PRELID2: variants seen among roughly 807,000 people sequenced by gnomAD.
PRELID2 encodes the protein PRELI domain-containing protein 2.
Under a neutral mutation model 28.4 loss-of-function variants are expected in PRELID2, and 25 were observed. That is an observed-to-expected ratio of 0.88 (90% CI 0.64 to 1.23). PRELID2 has a LOEUF of 1.23. PRELID2 is among the 50% of genes most tolerant of loss of function. The pLI is 0.00. For missense variants in PRELID2, 201 were observed against 214.4 expected (o/e 0.94, Z 0.39); for synonymous variants, 76 against 71.6 (o/e 1.06, Z -0.31).
intron 5 of PRELID2, among the ~76,000 whole-genome samples, chr5:145,781,470 A>C (rs1445195301): frequency 6.6e-6 from 1 of 151,922 alleles, no homozygotes; most frequent in Non-Finnish European, 1.5e-5. Flanking sequence ...CAATCCTGTA[A>C]GTAATGATGC....
At chr5:145,826,838 G>A (rs545950007) in intron 1 of PRELID2, among the ~76,000 whole-genome samples, 1 of 150,904 alleles carries the variant, frequency 6.6e-6, no homozygotes, top group Admixed American at 6.6e-5. Context: ...ATAACATTTT[G>A]CATTCATATT....
At chr5:145,766,992 G>C (rs1345478807) in intron 5 of PRELID2, among the ~76,000 whole-genome samples, 1 of 152,142 alleles carries the variant, frequency 6.6e-6, no homozygotes, top group Non-Finnish European at 1.5e-5. Flanking sequence ...ACAGGTGGCA[G>C]GAAAATACTG....
the PRELID2 span, chr5:145,381,776 A>T: frequency 6.6e-6 from 1 of 152,228 alleles, no homozygotes; most frequent in Non-Finnish European, 1.5e-5. Flanking sequence ...CAAGTTCAAG[A>T]TAATCAACCT....
chr5:145,393,222 A>T, the PRELID2 span, among the ~76,000 whole-genome samples: 1 of 152,198 alleles, frequency 6.6e-6, no homozygotes, highest in Non-Finnish European at 1.5e-5. Context: ...CACATAGCTG[A>T]GTAAAGGCCA....
the PRELID2 span, among the ~76,000 whole-genome samples, chr5:145,372,951 TATTA>T: frequency 3.6e-5 from 2 of 56,276 alleles, no homozygotes; most frequent in Non-Finnish European, 7.1e-5. Context: ...ATATATATGA[TATTA>T]TATATTACAA....
At chr5:145,748,593 T>C (rs2149749060) in intron 1 of PRELID2, among the ~76,000 whole-genome samples, 1 of 152,196 alleles carries the variant, frequency 6.6e-6, no homozygotes, top group Non-Finnish European at 1.5e-5. Flanking sequence ...CAAACTACCA[T>C]TGACATTCTT....
chr5:145,479,448 A>C (rs1031052608), intron 1 of PRELID2, among the ~76,000 whole-genome samples: 1 of 152,062 alleles, frequency 6.6e-6, no homozygotes, highest in Non-Finnish European at 1.5e-5. Flanking sequence ...TACATCACTC[A>C]TCAGGAAGAC....
intron 1 of PRELID2, among the ~76,000 whole-genome samples, chr5:145,580,551 C>CCATA (rs1753099761): frequency 6.6e-6 from 1 of 152,008 alleles, no homozygotes; most frequent in Non-Finnish European, 1.5e-5. Context: ...TTGAGTAGAG[C>CCATA]CATAACACAC....
At chr5:145,375,812 C>G in the PRELID2 span, among the ~76,000 whole-genome samples, 1 of 152,202 alleles carries the variant, frequency 6.6e-6, no homozygotes, top group African/African-American at 2.4e-5. Flanking sequence ...GCCAAGCCAT[C>G]CAGCCCCTTG....
chr5:145,536,040 A>T (rs1752695011), intron 1 of PRELID2, among the ~76,000 whole-genome samples: 1 of 151,950 alleles, frequency 6.6e-6, no homozygotes, highest in African/African-American at 2.4e-5. Context: ...AATGAAAAAA[A>T]TACTACAAAG....
intron 1 of PRELID2, among the ~76,000 whole-genome samples, chr5:145,654,860 G>A (rs561402620): frequency 0.025 from 3,873 of 152,034 alleles, 129 homozygotes; most frequent in African/African-American, 0.073. Flanking sequence ...GCCCTCTCTC[G>A]CCACTCCTAT....
chr5:145,822,326 T>C (rs1274667145), intron 2 of PRELID2, among the ~76,000 whole-genome samples: 2 of 152,150 alleles, frequency 1.3e-5, no homozygotes, highest in Non-Finnish European at 2.9e-5. Context: ...CAGTAAACAT[T>C]TTCTGCAAAG....
chr5:145,485,750 A>G (rs1237687180), intron 1 of PRELID2, among the ~76,000 whole-genome samples: 2 of 152,208 alleles, frequency 1.3e-5, no homozygotes, highest in African/African-American at 4.8e-5. Flanking sequence ...ATCCATAAAC[A>G]TAAGGTACAT....
the PRELID2 span, among the ~76,000 whole-genome samples, chr5:145,351,662 G>A: frequency 6.6e-6 from 1 of 152,020 alleles, no homozygotes; most frequent in East Asian, 1.9e-4. Context: ...GTCCCCCAAA[G>A]TCTAGCTCAT....
chr5:145,525,537 T>A (rs1285671457), intron 1 of PRELID2, among the ~76,000 whole-genome samples: 1 of 152,160 alleles, frequency 6.6e-6, no homozygotes, highest in Admixed American at 6.5e-5. Context: ...ACAAACTTTC[T>A]TGTTCTTGGA....
At chr5:145,349,774 A>G in the PRELID2 span, among the ~76,000 whole-genome samples, 2 of 152,314 alleles carry the variant, frequency 1.3e-5, no homozygotes, top group African/African-American at 4.8e-5. Flanking sequence ...AAGAAATAAT[A>G]ATCTAACTGT....
downstream of PRELID2, among the ~76,000 whole-genome samples, chr5:145,755,715 T>TAATG (rs1757238131): frequency 1.3e-5 from 2 of 148,450 alleles, no homozygotes; most frequent in South Asian, 4.4e-4. Context: ...CTCCCTCATA[T>TAATG]AATGATACAC....
chr5:145,760,676 G>C (rs1320579142), intron 6 of PRELID2, among the ~76,000 whole-genome samples, 151 bp from the exon 7 acceptor site: 2 of 152,236 alleles, frequency 1.3e-5, no homozygotes, highest in Middle Eastern at 3.4e-3. Flanking sequence ...CCCTCCTAAT[G>C]ATCTTCGAAC....
chr5:145,658,767 T>C (rs1213282763), intron 1 of PRELID2, among the ~76,000 whole-genome samples: 1 of 152,174 alleles, frequency 6.6e-6, no homozygotes, highest in Admixed American at 6.5e-5. Context: ...ATTTTCCTTA[T>C]AAATTACCCA....
Sources: allele counts gnomAD v4.1 joint callset (sites outside exome capture counted in the v4.1 genomes callset), GRCh38; gene constraint gnomAD v4.1.1; transcripts MANE v1.5; gene names NCBI Gene and HGNC (gene_info 2026-07-23, HGNC 2026-07-21).